Variants in KSR2 observed in about 807,000 individuals in gnomAD.
The protein encoded by KSR2 is kinase suppressor of ras 2.
In KSR2, 25 loss-of-function variants were observed where a neutral mutation model predicts 107.8. That is an observed-to-expected ratio of 0.23 (90% CI 0.17 to 0.32). The LOEUF (loss-of-function observed/expected upper bound fraction) is 0.32. Among genes scored for constraint, KSR2 ranks in the 10% least tolerant of loss-of-function variants. The pLI, the probability that KSR2 is intolerant of heterozygous loss-of-function variation, is 1.00. For missense variants in KSR2, 887 were observed against 1,268.9 expected (o/e 0.70, Z 4.57); for synonymous variants, 480 against 507.0 (o/e 0.95, Z 0.71).
intron 1 of KSR2, among the ~76,000 whole-genome samples, chr12:117,920,047 A>C (rs1895294181): frequency 1.3e-5 from 2 of 152,200 alleles, no homozygotes; most frequent in African/African-American, 4.8e-5. Context: ...TGAAATTAAA[A>C]TCCACAAAAT....
At position 117,866,041 on chromosome 12, in the gene KSR2, T is replaced by TA. The variant is rs780167141; in HGVS notation, c.181-5611_181-5610insT. On this transcript the variant is annotated intron_variant, in intron 1 of 19. Coordinates refer to ENST00000339824, the MANE Select transcript of KSR2 (RefSeq NM_173598.6). Reference sequence around the variant, plus strand: ...TGTAACACTTGCTAATCTCTCTCTTTTTTTTTTTTTTTTGAAACAAATTCT... The same window carrying TA: ...TGTAACACTTGCTAATCTCTCTCTTTATTTTTTTTTTTTTGAAACAAATTCT... Among the ~76,000 whole-genome samples the TA allele has an allele frequency of 6.0e-3, 677 of 112,376 alleles. 4 individuals carry two copies. The highest frequency in any genetic ancestry group is 9.6e-3 in the Non-Finnish European group (455 of 47,412). 73.7% of individuals were successfully genotyped at this position (112,376 alleles called of 152,430 possible).
chr12:117,601,453 A>G (rs1252265224), intron 5 of KSR2, among the ~76,000 whole-genome samples: 1 of 152,170 alleles, frequency 6.6e-6, no homozygotes, highest in Non-Finnish European at 1.5e-5. Flanking sequence ...GCCCTAATCC[A>G]AGACTTCTCA....
chr12:117,795,811 A>G (rs755158364), intron 3 of KSR2, among the ~76,000 whole-genome samples: 5 of 152,042 alleles, frequency 3.3e-5, no homozygotes, highest in Non-Finnish European at 7.4e-5. Flanking sequence ...GGGTCTCACT[A>G]TGTTACCCAG....
rs145643293 is a variant in KSR2, at chr12:117,547,317, T to G, written c.1519-7430A>C. Among the ~76,000 whole-genome samples the G allele has an allele frequency of 1.8e-3, 277 of 152,308 alleles. 1 individual carries two copies. The highest frequency in any genetic ancestry group is 6.4e-3 in the African/African-American group (267 of 41,564). ...CATAGACCTTTGCTGATACCACTCTTGCTGGGAGGGGTAAGAATGCCAAAA... is the reference window on the plus strand; with the variant it reads ...CATAGACCTTTGCTGATACCACTCTGGCTGGGAGGGGTAAGAATGCCAAAA... On this transcript the variant is annotated intron_variant, in intron 9 of 19. Coordinates refer to ENST00000339824, the MANE Select transcript of KSR2 (RefSeq NM_173598.6).
chr12:117,908,097 T>C (rs917910383), intron 1 of KSR2, among the ~76,000 whole-genome samples: 4 of 152,348 alleles, frequency 2.6e-5, no homozygotes, highest in African/African-American at 7.2e-5. Context: ...TCAATATCTT[T>C]AATTCATATT....
rs140758817 is a variant in KSR2, at chr12:117,498,735, G to C, written c.2220-13044C>G. Among the ~76,000 whole-genome samples, 917 of 152,214 alleles carry C rather than the reference G, an allele frequency of 6.0e-3. 4 individuals carry two copies. The highest frequency in any genetic ancestry group is 0.011 in the Non-Finnish European group (721 of 68,006). ...GACAGGCCTTTCCTGTGCCATTCTC[G>C]TGATAGTGAATAAGTCTCACAAGAT... On this transcript the variant is annotated intron_variant, in intron 14 of 19. Transcript: ENST00000339824.
chr12:117,527,338 CACACACACAG>C (rs1471132115), intron 12 of KSR2, among the ~76,000 whole-genome samples: 2 of 117,748 alleles, frequency 1.7e-5, no homozygotes, highest in Admixed American at 8.2e-5. Flanking sequence ...CACACACACA[CACACACACAG>C]ACACACACAC....
chr12:117,594,445 C>G (rs758680372), intron 5 of KSR2, among the ~76,000 whole-genome samples: 1 of 152,108 alleles, frequency 6.6e-6, no homozygotes, highest in Non-Finnish European at 1.5e-5. Flanking sequence ...GGGACAGCCT[C>G]GTGATAAATA....
chr12:117,675,120 T>C (rs999645127), intron 4 of KSR2, among the ~76,000 whole-genome samples: 3 of 152,236 alleles, frequency 2.0e-5, no homozygotes, highest in African/African-American at 7.2e-5. Context: ...CAGCACCACC[T>C]GCTTTCCTTC....
chr12:117,910,778 T>C (rs573119324), intron 1 of KSR2, among the ~76,000 whole-genome samples: 2 of 152,220 alleles, frequency 1.3e-5, no homozygotes, highest in East Asian at 1.9e-4. Flanking sequence ...GTTTAGAAGG[T>C]AGGCGTGAAT....
Position 117,464,413 on chromosome 12 carries a change from C to G in KSR2, c.*2786G>C, listed in dbSNP as rs1459504243. 1.3e-5 allele frequency: 2 copies of G among 152,288 alleles called. No homozygotes were observed. Among genetic ancestry groups the G allele is most frequent in the East Asian group, 3.9e-4 (2 of 5,182 alleles). The allele number at this position is 152,288 out of a possible 1,614,324, so 9.4% of individuals were successfully genotyped here. On this transcript the variant is annotated 3_prime_UTR_variant, in exon 20 of 20. Transcript: ENST00000339824. ...CAAGGGCAAACACACAAATCTTGGTCGTGTCATTGTATAGAATGAGTTGCA... is the reference window on the plus strand; with the variant it reads ...CAAGGGCAAACACACAAATCTTGGTGGTGTCATTGTATAGAATGAGTTGCA...
At chr12:117,954,516 T>C (rs1896451609) in intron 1 of KSR2, among the ~76,000 whole-genome samples, 1 of 152,222 alleles carries the variant, frequency 6.6e-6, no homozygotes, top group South Asian at 2.1e-4. Flanking sequence ...TGTGCCACTA[T>C]GCTATAGAAG....
intron 7 of KSR2, among the ~76,000 whole-genome samples, chr12:117,570,372 T>C (rs1878805962): frequency 6.6e-6 from 1 of 152,042 alleles, no homozygotes; most frequent in Non-Finnish European, 1.5e-5. Context: ...GTAGATGGTG[T>C]TAAACATCCT....
At chr12:117,742,134 T>C (rs1888239846) in intron 4 of KSR2, among the ~76,000 whole-genome samples, 1 of 152,058 alleles carries the variant, frequency 6.6e-6, no homozygotes, top group Admixed American at 6.6e-5. Flanking sequence ...CATAAGGAAA[T>C]CTAATCTAAT....
intron 10 of KSR2, among the ~76,000 whole-genome samples, chr12:117,532,638 T>C (rs1003848079): frequency 6.6e-6 from 1 of 152,180 alleles, no homozygotes; most frequent in Non-Finnish European, 1.5e-5. Context: ...ATAAAAGAAA[T>C]TTTCTGGACT....
At chr12:117,828,835 A>G (rs1168696040) in intron 3 of KSR2, among the ~76,000 whole-genome samples, 1 of 152,160 alleles carries the variant, frequency 6.6e-6, no homozygotes, top group East Asian at 1.9e-4. Context: ...CCCAACTGCC[A>G]TCTGTGTCCC....
intron 4 of KSR2, among the ~76,000 whole-genome samples, chr12:117,753,393 A>C (rs886847916): frequency 6.6e-6 from 1 of 152,160 alleles, no homozygotes; most frequent in Non-Finnish European, 1.5e-5. Context: ...CTCAGAGGTG[A>C]TTTCAGCCCC....
intron 1 of KSR2, among the ~76,000 whole-genome samples, chr12:117,867,561 A>G (rs972738977): frequency 6.6e-6 from 1 of 152,172 alleles, no homozygotes. Context: ...CTCGGCCAAT[A>G]GGAGGCCTGT....
At chr12:117,522,430 C>T (rs1484838262) in intron 14 of KSR2, among the ~76,000 whole-genome samples, 2 of 152,006 alleles carry the variant, frequency 1.3e-5, no homozygotes, top group Non-Finnish European at 2.9e-5. Flanking sequence ...AAAAGACCAC[C>T]CTCCAACCAG....
Sources: allele counts gnomAD v4.1 joint callset (sites outside exome capture counted in the v4.1 genomes callset), GRCh38; gene constraint gnomAD v4.1.1; transcripts MANE v1.5; gene names NCBI Gene and HGNC (gene_info 2026-07-23, HGNC 2026-07-21).